Variants in MDGA2 observed in about 807,000 individuals in gnomAD.
MDGA2 encodes MAM domain-containing glycosylphosphatidylinositol anchor protein 2.
In MDGA2, 40 loss-of-function variants were observed where a neutral mutation model predicts 117.8. That is an observed-to-expected ratio of 0.34 (90% CI 0.26 to 0.44). The LOEUF (loss-of-function observed/expected upper bound fraction) is 0.44, where lower values mean the gene tolerates loss of function less well. MDGA2 is among the 20% of genes least tolerant of loss of function. The pLI is 1.00. For missense variants in MDGA2, 1,123 were observed against 1,250.6 expected (o/e 0.90, Z 1.54); for synonymous variants, 452 against 439.0 (o/e 1.03, Z -0.37).
At chr14:47,486,931 C>T (rs1257281928) in intron 1 of MDGA2, among the ~76,000 whole-genome samples, 2 of 152,168 alleles carry the variant, frequency 1.3e-5, no homozygotes, top group East Asian at 3.8e-4. Flanking sequence ...AAGACTAATA[C>T]ACAAGGGGAC....
At chr14:47,378,609 G>A (rs554102582) in intron 1 of MDGA2, among the ~76,000 whole-genome samples, 1 of 152,082 alleles carries the variant, frequency 6.6e-6, no homozygotes, top group Non-Finnish European at 1.5e-5. Flanking sequence ...GTGGAAGAAA[G>A]GGTATCAGTG....
chr14:46,977,889 A>C (rs1478148368), intron 8 of MDGA2, among the ~76,000 whole-genome samples: 1 of 151,860 alleles, frequency 6.6e-6, no homozygotes, highest in Admixed American at 6.6e-5. Flanking sequence ...TTAGGCCAAA[A>C]AAGTAGATAA....
Position 47,436,353 on chromosome 14 carries a change from T to C in MDGA2, c.281-134803A>G, listed in dbSNP as rs1170055207. On this transcript the variant is annotated intron_variant, in intron 1 of 16. Transcript: ENST00000399232. ...TGTTATACAGAATCATCTTTATGTA[T>C]AAACTGAGTTTCATAATGTTACATG... Among the ~76,000 whole-genome samples, 8 of 152,262 alleles carry C rather than the reference T, an allele frequency of 5.3e-5. No individual in the cohort carries two copies. In the South Asian group the frequency reaches 1.2e-3, roughly 24 times the overall value.
At chr14:47,031,590 T>G (rs938544886) in intron 8 of MDGA2, among the ~76,000 whole-genome samples, 4 of 152,154 alleles carry the variant, frequency 2.6e-5, no homozygotes, top group African/African-American at 9.7e-5. Context: ...AAAAAACAGC[T>G]GATATGGTTT....
chr14:47,296,042 C>T (rs910537278), intron 2 of MDGA2, among the ~76,000 whole-genome samples: 8 of 152,098 alleles, frequency 5.3e-5, no homozygotes, highest in African/African-American at 1.9e-4. Flanking sequence ...AAGGTGCAGA[C>T]TAATGTAATT....
intron 1 of MDGA2, among the ~76,000 whole-genome samples, chr14:47,549,341 T>TTCTCTCTCTCTCTCTCTC (rs1411617142): frequency 6.2e-5 from 4 of 64,704 alleles, no homozygotes; most frequent in African/African-American, 1.4e-4. Flanking sequence ...TTCACCAGTA[T>TTCTCTCTCTCTCTCTCTC]TATCTCTCTC....
At chr14:47,245,767 C>T (rs1196855383) in intron 2 of MDGA2, among the ~76,000 whole-genome samples, 3 of 151,654 alleles carry the variant, frequency 2.0e-5, no homozygotes, top group Non-Finnish European at 4.4e-5. Flanking sequence ...ATGTTAAAGT[C>T]GTTCATTACC....
chr14:47,128,338 A>T (rs1882009241), intron 5 of MDGA2, among the ~76,000 whole-genome samples: 1 of 152,116 alleles, frequency 6.6e-6, no homozygotes, highest in Non-Finnish European at 1.5e-5. Context: ...GGCACTGCTA[A>T]AGTGCAAAGT....
chr14:47,295,097 T>C (rs1372776403), intron 2 of MDGA2, among the ~76,000 whole-genome samples: 1 of 152,230 alleles, frequency 6.6e-6, no homozygotes, highest in African/African-American at 2.4e-5. Flanking sequence ...ATTTACATAA[T>C]TATTTTTAAA....
chr14:47,200,074 A>G (rs1049346707), intron 3 of MDGA2, among the ~76,000 whole-genome samples: 3 of 152,058 alleles, frequency 2.0e-5, no homozygotes, highest in African/African-American at 4.8e-5. Flanking sequence ...AAAAAATGGA[A>G]AAAGAAAACA....
chr14:47,265,163 C>T (rs1887923982), intron 2 of MDGA2, among the ~76,000 whole-genome samples: 1 of 152,130 alleles, frequency 6.6e-6, no homozygotes, highest in South Asian at 2.1e-4. Context: ...AAGAGATGCA[C>T]TGTACATCAT....
intron 14 of MDGA2, among the ~76,000 whole-genome samples, chr14:46,865,874 G>A (rs1433077135): frequency 1.2e-4 from 18 of 151,112 alleles, no homozygotes; most frequent in African/African-American, 4.4e-4. Flanking sequence ...ACAAACCACT[G>A]CTCAATGAAA....
At chr14:47,558,752 A>G (rs913447498) in intron 1 of MDGA2, among the ~76,000 whole-genome samples, 11 of 152,204 alleles carry the variant, frequency 7.2e-5, no homozygotes, top group African/African-American at 2.7e-4. Context: ...GCAGAGAAGA[A>G]ATAGATATTA....
intron 8 of MDGA2, among the ~76,000 whole-genome samples, chr14:46,975,588 T>C (rs1369162258): frequency 6.6e-6 from 1 of 152,170 alleles, no homozygotes; most frequent in East Asian, 1.9e-4. Context: ...CATAAACTAG[T>C]AACAAAAAGA....
At chr14:47,607,837 G>T (rs1896769249) in intron 1 of MDGA2, among the ~76,000 whole-genome samples, 1 of 152,122 alleles carries the variant, frequency 6.6e-6, no homozygotes, top group Admixed American at 6.6e-5. Flanking sequence ...ATACTTAAAA[G>T]AGGTTAATAC....
Position 47,061,270 on chromosome 14 carries a change from C to T in MDGA2, c.1504G>A (p.Val502Ile). ...TTACCTGTGCTGCTGGATATATTAA[C>T]ATCGATACTGATATCAGATATTCCT... Reference protein sequence around the residue: ...GGGISDISIDVNISSSTVPPN... With the variant: ...GGGISDISIDINISSSTVPPN... Residue 502 changes from valine (V) to isoleucine (I), a missense_variant, in exon 7 of 17, where the codon GTT becomes ATT. By Grantham distance (29) the Val-to-Ile change is conservative. Transcript: ENST00000399232. 1 of 1,613,130 alleles carries T rather than the reference C, an allele frequency of 6.2e-7. No individual in the cohort carries two copies. Among genetic ancestry groups the T allele is most frequent in the Non-Finnish European group, 8.5e-7 (1 of 1,179,346 alleles).
chr14:47,195,511 G>A (rs981627137), intron 3 of MDGA2, among the ~76,000 whole-genome samples: 5 of 151,986 alleles, frequency 3.3e-5, no homozygotes, highest in East Asian at 3.9e-4. Flanking sequence ...ATTAATATAG[G>A]CTTATATCTA....
chr14:46,845,334 A>T (rs12897267), intron 16 of MDGA2, among the ~76,000 whole-genome samples: 1 of 152,104 alleles, frequency 6.6e-6, no homozygotes, highest in Non-Finnish European at 1.5e-5. Context: ...AGTCAATTAA[A>T]TCTCTTTCTT....
chr14:46,958,394 C>A (rs939343668), intron 8 of MDGA2, among the ~76,000 whole-genome samples: 6 of 152,122 alleles, frequency 3.9e-5, no homozygotes, highest in Non-Finnish European at 4.4e-5. Context: ...AAGAAAGAGA[C>A]TCTATTCAAG....
Sources: gnomAD v4.1 joint callset for allele counts (sites outside exome capture counted in the v4.1 genomes callset) on GRCh38, gnomAD v4.1.1 for gene constraint, MANE v1.5 for transcripts, NCBI Gene and HGNC (gene_info 2026-07-23, HGNC 2026-07-21) for gene names.